The following ANO2 variants were observed in gnomAD, a reference collection of about 807,000 sequenced individuals.
The protein encoded by ANO2 is anoctamin-2.
In ANO2, 101 loss-of-function variants were observed where a neutral mutation model predicts 124.2. The observed-to-expected ratio is 0.81, with a 90% CI of 0.69 to 0.96. The LOEUF (loss-of-function observed/expected upper bound fraction) is 0.96. Among genes scored for constraint, ANO2 ranks in the 40% least tolerant of loss-of-function variants. The pLI, the probability that ANO2 is intolerant of heterozygous loss-of-function variation, is 0.00. For synonymous variants in ANO2, 486 were observed against 482.5 expected (o/e 1.01, Z -0.09); for missense variants, 1,293 against 1,274.5 (o/e 1.01, Z -0.22).
intron 3 of ANO2, among the ~76,000 whole-genome samples, chr12:5,887,238 A>G (rs1163777339): frequency 6.6e-6 from 1 of 152,240 alleles, no homozygotes; most frequent in Non-Finnish European, 1.5e-5. Context: ...AAGAGGAGAT[A>G]CATTCACTGG....
intron 3 of ANO2, among the ~76,000 whole-genome samples, chr12:5,911,590 T>A (rs1011202417): frequency 6.6e-6 from 1 of 152,070 alleles, no homozygotes; most frequent in African/African-American, 2.4e-5. Flanking sequence ...CATAACACAT[T>A]GCGAATCAGG....
chr12:5,730,800 T>C (rs762550336), intron 14 of ANO2, among the ~76,000 whole-genome samples: 1 of 152,244 alleles, frequency 6.6e-6, no homozygotes, highest in Admixed American at 6.5e-5. Flanking sequence ...AGACCATTTT[T>C]ATCTTACACT....
chr12:5,813,648 A>C (rs1358397959), intron 7 of ANO2, among the ~76,000 whole-genome samples: 3 of 151,964 alleles, frequency 2.0e-5, no homozygotes, highest in African/African-American at 7.3e-5. Context: ...CTTCCCTTTC[A>C]CTACAATTGT....
At chr12:5,933,447 C>T (rs1942515771) in intron 1 of ANO2, among the ~76,000 whole-genome samples, 2 of 151,976 alleles carry the variant, frequency 1.3e-5, no homozygotes, top group African/African-American at 4.8e-5. Context: ...GAAAGATGGC[C>T]CTGGCTGTAG....
At position 5,570,264 on chromosome 12, in the gene ANO2, T is replaced by G. The variant is rs543083831; in HGVS notation, c.2622-4601A>C. 5.3e-4 allele frequency among the ~76,000 whole-genome samples: 81 copies of G among 152,250 alleles called. 1 individual carries two copies. The South Asian group carries it at 0.014, about 27-fold the overall frequency. On this transcript the variant is annotated intron_variant, in intron 23 of 24. Transcript: ENST00000682330. The stretch of plus-strand genomic sequence containing the variant: ...AACAATACCTTAAAAGTCCTACAAG[T>G]TAATACTATGTTAATGCATAGAAAA...
At chr12:5,816,763 T>C (rs1591650891) in intron 7 of ANO2, among the ~76,000 whole-genome samples, 2 of 152,194 alleles carry the variant, frequency 1.3e-5, no homozygotes, top group Non-Finnish European at 2.9e-5. Flanking sequence ...TGGACATTAA[T>C]TGCCTCCTCC....
chr12:5,842,718 G>A (rs369017088), intron 4 of ANO2, among the ~76,000 whole-genome samples: 9 of 152,188 alleles, frequency 5.9e-5, no homozygotes, highest in African/African-American at 1.7e-4. Context: ...TATTTTTAAC[G>A]TCACTGTTTC....
intron 13 of ANO2, among the ~76,000 whole-genome samples, chr12:5,736,579 C>T (rs910671510): frequency 6.6e-6 from 1 of 152,218 alleles, no homozygotes; most frequent in Non-Finnish European, 1.5e-5. Flanking sequence ...CTGCCTTCCA[C>T]TCACTCCTCG....
chr12:5,689,327 GAA>G (rs34051834), intron 14 of ANO2, among the ~76,000 whole-genome samples: 12,658 of 152,180 alleles, frequency 0.083, 649 homozygotes, highest in African/African-American at 0.13. Flanking sequence ...CAATGCAAAA[GAA>G]AAGAGATCAT....
intron 4 of ANO2, among the ~76,000 whole-genome samples, chr12:5,848,360 C>A (rs1199774432): frequency 6.9e-6 from 1 of 145,966 alleles, no homozygotes; most frequent in Admixed American, 6.7e-5. Context: ...TCCCTACTTC[C>A]CCCCCTCCCC....
intron 11 of ANO2, among the ~76,000 whole-genome samples, chr12:5,746,105 G>T (rs1041232864): frequency 6.6e-6 from 1 of 152,186 alleles, no homozygotes; most frequent in Non-Finnish European, 1.5e-5. Context: ...TAACTTAGCG[G>T]TTTTTTCTTT....
At chr12:5,670,581 C>T (rs1255876748) in intron 14 of ANO2, among the ~76,000 whole-genome samples, 1 of 152,156 alleles carries the variant, frequency 6.6e-6, no homozygotes, top group Non-Finnish European at 1.5e-5. Context: ...ATTGCCCAGG[C>T]TGGAGTACAG....
rs1341198884 is a variant in ANO2, at chr12:5,925,366, C to T, written c.23-2562G>A. Among the ~76,000 whole-genome samples, 1 of 152,206 alleles carries T rather than the reference C, an allele frequency of 6.6e-6. No individual in the cohort carries two copies. The highest frequency in any genetic ancestry group is 1.5e-5 in the Non-Finnish European group (1 of 68,036). ...CCATCGCAGTTGCTCCCCCGGCTCG[C>T]TCTCTGACACACGGATCCGGCTGCC... On this transcript the variant is annotated intron_variant, in intron 1 of 24. Coordinates refer to ENST00000682330, the MANE Select transcript of ANO2 (RefSeq NM_001364791.2). The surrounding 1 kb of genome is among the most constrained non-coding windows in gnomAD (Gnocchi z 4.6).
At chr12:5,849,586 T>C (rs1443323814) in intron 4 of ANO2, among the ~76,000 whole-genome samples, 2 of 152,216 alleles carry the variant, frequency 1.3e-5, no homozygotes, top group African/African-American at 2.4e-5. Context: ...CTTCTGTTGT[T>C]GTTTTTGGAA....
At chr12:5,617,870 C>T (rs1209834537) in intron 16 of ANO2, among the ~76,000 whole-genome samples, 1 of 152,172 alleles carries the variant, frequency 6.6e-6, no homozygotes, top group Non-Finnish European at 1.5e-5. Context: ...GTGTTAACTA[C>T]CCACACCCAC....
intron 7 of ANO2, among the ~76,000 whole-genome samples, chr12:5,812,573 AAAAG>A (rs1325885787): frequency 4.9e-5 from 2 of 40,958 alleles, no homozygotes; most frequent in Admixed American, 3.8e-4. Context: ...GAAAAAGAAA[AAAAG>A]AAAGAGAAAG....
At chr12:5,645,496 A>T (rs35878967) in intron 15 of ANO2, among the ~76,000 whole-genome samples, 1 of 152,148 alleles carries the variant, frequency 6.6e-6, no homozygotes, top group Non-Finnish European at 1.5e-5. Flanking sequence ...CATATATATA[A>T]CAATAATATT....
In ANO2 at chr12:5,612,820, C is replaced by T. The variant is rs533691341; in HGVS notation, c.1987-64G>A. Reference sequence around the variant, plus strand: ...AAGGGAGCTCTGAGAAGCAGGGGCGCGAATGAAGCCATGCTGTGCTGGAGA... The same window carrying T: ...AAGGGAGCTCTGAGAAGCAGGGGCGTGAATGAAGCCATGCTGTGCTGGAGA... On this transcript the variant is annotated intron_variant, in intron 18 of 24. Coordinates refer to ENST00000682330, the MANE Select transcript of ANO2 (RefSeq NM_001364791.2). 2.6e-4 allele frequency: 424 copies of T among 1,608,976 alleles called. 1 individual carries two copies. The highest frequency in any genetic ancestry group is 6.6e-4 in the Middle Eastern group (4 of 6,038).
intron 19 of ANO2, among the ~76,000 whole-genome samples, chr12:5,609,734 A>T (rs1944392365): frequency 6.6e-6 from 1 of 151,852 alleles, no homozygotes; most frequent in African/African-American, 2.4e-5. Context: ...TGCCCTTACC[A>T]GGTCCCTGAC....
Sources: allele counts gnomAD v4.1 joint callset (sites outside exome capture counted in the v4.1 genomes callset), GRCh38; gene constraint gnomAD v4.1.1; non-coding constraint Gnocchi (gnomAD v3.1); transcripts MANE v1.5; gene names NCBI Gene and HGNC (gene_info 2026-07-23, HGNC 2026-07-21).